Variants in MRPL43 observed in about 807,000 individuals in gnomAD.
MRPL43 encodes mitochondrial ribosomal protein L43.
A neutral mutation model predicts 12.7 loss-of-function variants in MRPL43; 9 were observed. The ratio of observed to expected loss-of-function variants is 0.71; its 90% CI spans 0.43 to 1.24. The LOEUF (loss-of-function observed/expected upper bound fraction) is 1.24, where lower values mean the gene tolerates loss of function less well. Among genes scored for constraint, MRPL43 ranks in the 50% most tolerant of loss-of-function variants. MRPL43 has a pLI of 0.00. For synonymous variants in MRPL43, 116 were observed against 96.4 expected (o/e 1.20, Z -1.19); for missense variants, 211 against 229.2 (o/e 0.92, Z 0.51).
At chr10:100,982,996 G>A (rs1264131927), downstream of MRPL43, among the ~76,000 whole-genome samples, 3 of 152,210 alleles carry the variant, frequency 2.0e-5, no homozygotes, top group Non-Finnish European at 2.9e-5. Flanking sequence ...GTAGATATCC[G>A]AGTCTGGCAC....
At chr10:100,980,498 C>T, downstream of MRPL43, 2 of 1,394,756 alleles carry the variant, frequency 1.4e-6, no homozygotes, top group Non-Finnish European at 2.0e-6. Context: ...GACTCCTGAG[C>T]TGTTCGTATT....
chr10:100,981,543 T>C, downstream of MRPL43: 1 of 1,613,990 alleles, frequency 6.2e-7, no homozygotes. Context: ...TGAACTGATA[T>C]CTGAAGAAAG....
At chr10:100,980,236 C>T (rs149116714), downstream of MRPL43, 20 of 1,614,140 alleles carry the variant, frequency 1.2e-5, no homozygotes, top group Non-Finnish European at 1.6e-5. Context: ...TGTGCCCACA[C>T]GTGGACGGCC....
Position 100,986,618 on chromosome 10 carries a change from G to C in MRPL43, c.*116C>G, listed in dbSNP as rs1202929860. On this transcript the variant is annotated 3_prime_UTR_variant, in exon 3 of 3. Coordinates refer to ENST00000318364, the MANE Select transcript of MRPL43 (RefSeq NM_032112.3). ...CTTCATTATCCCAAGCAGAACCTCT[G>C]TCAACTTGCCCATTGATGGGTTCCA... 1.2e-6 allele frequency: 2 copies of C among 1,613,052 alleles called. No homozygotes were observed. The highest frequency in any genetic ancestry group is 3.3e-5 in the Admixed American group (2 of 59,924).
downstream of MRPL43, chr10:100,979,237 C>G: frequency 6.2e-7 from 1 of 1,614,244 alleles, no homozygotes. Context: ...AAGCCGTACA[C>G]ACTTCTATGC....
At chr10:100,979,834 A>G (rs1168436020), downstream of MRPL43, 5 of 1,612,302 alleles carry the variant, frequency 3.1e-6, no homozygotes, top group East Asian at 1.1e-4. Context: ...CCCTTGCCCT[A>G]TGTCCCATTC....
In MRPL43 at chr10:100,986,277, G is replaced by A. The variant is rs1255470454; in HGVS notation, c.*457C>T. ...CATTTTGAAGACAGACCTGAAATGT[G>A]ACCTTGGATAAGTTTATTAACCTGT... On this transcript the variant is annotated 3_prime_UTR_variant, in exon 3 of 3. Transcript: ENST00000318364. The A allele has an allele frequency of 4.4e-6, 6 of 1,365,280 alleles. No individual in the cohort carries two copies. The highest frequency in any genetic ancestry group is 2.9e-5 in the East Asian group (1 of 35,072). 84.6% of individuals were successfully genotyped at this position (1,365,280 alleles called of 1,614,324 possible).
At chr10:100,984,081 A>G, downstream of MRPL43, 1 of 1,613,684 alleles carries the variant, frequency 6.2e-7, no homozygotes, top group Non-Finnish European at 8.5e-7. Flanking sequence ...CATCCTGGAA[A>G]AAAGGAAGCA....
intron 2 of MRPL43, 45 bp downstream of exon 2, chr10:100,987,045 C>T (rs2133927192): frequency 6.2e-7 from 1 of 1,608,680 alleles, no homozygotes; most frequent in Non-Finnish European, 8.5e-7. Context: ...GATAGCGGGT[C>T]GAGCCCCTGA....
At chr10:100,979,424 C>G, downstream of MRPL43, 1 of 1,555,182 alleles carries the variant, frequency 6.4e-7, no homozygotes, top group Non-Finnish European at 8.7e-7. Flanking sequence ...TGCTCTGTTG[C>G]CAGGCTGGAG....
chr10:100,983,371 A>T, downstream of MRPL43: 1 of 1,607,604 alleles, frequency 6.2e-7, no homozygotes, highest in Non-Finnish European at 8.5e-7. Flanking sequence ...CCCTGTGACC[A>T]GCCATCCAAC....
At chr10:100,985,033 T>C, downstream of MRPL43, 1 of 974,918 alleles carries the variant, frequency 1.0e-6, no homozygotes, top group Non-Finnish European at 1.5e-6. Flanking sequence ...GTTTAGTCCG[T>C]GGACATTTCA....
downstream of MRPL43, chr10:100,984,912 T>C: frequency 2.8e-6 from 4 of 1,452,580 alleles, no homozygotes; most frequent in Non-Finnish European, 3.6e-6. Flanking sequence ...GCTCCAGGCA[T>C]GTCCCATCCC....
downstream of MRPL43, chr10:100,983,306 G>GCCA (rs145835827): frequency 9.8e-6 from 15 of 1,532,540 alleles, no homozygotes; most frequent in African/African-American, 1.4e-5. Flanking sequence ...ACCCCACAGG[G>GCCA]CCACCACCAC....
downstream of MRPL43, among the ~76,000 whole-genome samples, chr10:100,982,221 G>A (rs1054233985): frequency 2.6e-5 from 4 of 152,054 alleles, no homozygotes; most frequent in Non-Finnish European, 5.9e-5. Context: ...AGAGGGAGCA[G>A]CAGGCAGAGG....
At chr10:100,979,743 T>C (rs1044452589), downstream of MRPL43, 22 of 1,325,974 alleles carry the variant, frequency 1.7e-5, no homozygotes, top group African/African-American at 5.8e-5. Context: ...TGTGGGACTA[T>C]AGCTGGGGTT....
chr10:100,983,460 G>A (rs147237913), downstream of MRPL43: 993 of 1,614,120 alleles, frequency 6.2e-4, no homozygotes, highest in Non-Finnish European at 7.8e-4. Context: ...GGGCGTGGAC[G>A]GGCTGCTGGT....
At chr10:100,981,450 T>C (rs1405882894), downstream of MRPL43, 1 of 1,614,172 alleles carries the variant, frequency 6.2e-7, no homozygotes, top group Non-Finnish European at 8.5e-7. Flanking sequence ...AAGTGTCTTG[T>C]CACTTCTGGA....
downstream of MRPL43, chr10:100,984,384 C>T: frequency 6.9e-7 from 1 of 1,449,310 alleles, no homozygotes; most frequent in Non-Finnish European, 9.0e-7. Flanking sequence ...GATCAGGTGC[C>T]CTGCAGACCC....
Sources: gnomAD v4.1 joint callset for allele counts (sites outside exome capture counted in the v4.1 genomes callset) on GRCh38, gnomAD v4.1.1 for gene constraint, MANE v1.5 for transcripts, NCBI Gene and HGNC (gene_info 2026-07-23, HGNC 2026-07-21) for gene names.